NRF1: variants seen among roughly 807,000 people sequenced by gnomAD.
NRF1 encodes the protein alpha palindromic-binding protein.
In NRF1, 5 loss-of-function variants were observed where a neutral mutation model predicts 58.5. The observed-to-expected ratio is 0.09, with a 90% CI of 0.04 to 0.18. The LOEUF (loss-of-function observed/expected upper bound fraction) is 0.18, where lower values mean the gene tolerates loss of function less well. Ranked by LOEUF, NRF1 falls within the 10% of genes least tolerant of loss-of-function variation. NRF1 has a pLI of 1.00. For synonymous variants in NRF1, 224 were observed against 246.7 expected (o/e 0.91, Z 0.86); for missense variants, 288 against 657.7 (o/e 0.44, Z 6.15).
intron 5 of NRF1, among the ~76,000 whole-genome samples, chr7:129,699,983 A>AG (rs1183317853): frequency 2.0e-5 from 3 of 150,848 alleles, no homozygotes; most frequent in African/African-American, 7.3e-5. Context: ...ACTAAAAAAA[A>AG]AAAAAAATTT....
intron 1 of NRF1, among the ~76,000 whole-genome samples, chr7:129,651,439 TTAGAG>T (rs1801533510): frequency 7.7e-6 from 1 of 130,268 alleles, no homozygotes. Flanking sequence ...AAAAAAATGG[TTAGAG>T]AGGCCAAAGA....
chr7:129,744,615 T>A (rs1803928800), intron 10 of NRF1, among the ~76,000 whole-genome samples: 1 of 152,130 alleles, frequency 6.6e-6, no homozygotes, highest in South Asian at 2.1e-4. Context: ...ACAGTTCAGA[T>A]AGGAAAAGCA....
chr7:129,626,404 A>G (rs1485653950), intron 1 of NRF1, among the ~76,000 whole-genome samples: 2 of 152,186 alleles, frequency 1.3e-5, no homozygotes, highest in Non-Finnish European at 2.9e-5. Flanking sequence ...CTAAGTTTGA[A>G]TTAGGTTTAT....
At chr7:129,699,959 G>A (rs1168597245) in intron 5 of NRF1, among the ~76,000 whole-genome samples, 2 of 132,114 alleles carry the variant, frequency 1.5e-5, no homozygotes, top group Non-Finnish European at 3.2e-5. Context: ...CCAACATAGT[G>A]AAACCCCGTC....
At chr7:129,729,627 A>C (rs1434362546) in intron 10 of NRF1, among the ~76,000 whole-genome samples, 1 of 152,240 alleles carries the variant, frequency 6.6e-6, no homozygotes, top group Non-Finnish European at 1.5e-5. Context: ...CCAAAGAATG[A>C]ATCTCATATG....
chr7:129,649,510 A>T (rs1801486997), intron 1 of NRF1, among the ~76,000 whole-genome samples: 1 of 152,160 alleles, frequency 6.6e-6, no homozygotes, highest in Non-Finnish European at 1.5e-5. Context: ...ACTTAATCTC[A>T]TCCATTATGT....
chr7:129,645,086 T>A (rs1272841897), intron 1 of NRF1, among the ~76,000 whole-genome samples: 1 of 152,134 alleles, frequency 6.6e-6, no homozygotes, highest in Non-Finnish European at 1.5e-5. Context: ...CCCTTCAACA[T>A]TTCTTTGCTG....
intron 10 of NRF1, among the ~76,000 whole-genome samples, chr7:129,752,315 G>A (rs1015901018): frequency 1.3e-5 from 2 of 150,962 alleles, no homozygotes; most frequent in African/African-American, 2.4e-5. Flanking sequence ...AATAACCTGA[G>A]CAAAGGCCCA....
At chr7:129,668,454 A>G (rs13226276) in intron 2 of NRF1, among the ~76,000 whole-genome samples, 45,620 of 152,152 alleles carry the variant, frequency 0.3, 8,518 homozygotes, top group Non-Finnish European at 0.43. Flanking sequence ...TTGCACTTCT[A>G]TTTAAATACT....
At chr7:129,624,236 C>A (rs371336481) in intron 1 of NRF1, among the ~76,000 whole-genome samples, 3 of 152,012 alleles carry the variant, frequency 2.0e-5, no homozygotes, top group Middle Eastern at 3.4e-3. Context: ...CTCTTTTTTG[C>A]GTTTTTCCTT....
chr7:129,624,917 G>A (rs1800880371), intron 1 of NRF1, among the ~76,000 whole-genome samples: 1 of 152,168 alleles, frequency 6.6e-6, no homozygotes, highest in Non-Finnish European at 1.5e-5. Context: ...ACCTTGGGAA[G>A]GCAATAGGGA....
At chr7:129,747,363 T>G (rs901717186) in intron 10 of NRF1, among the ~76,000 whole-genome samples, 9 of 152,216 alleles carry the variant, frequency 5.9e-5, no homozygotes, top group African/African-American at 2.2e-4. Context: ...ATCTTTAATC[T>G]TTACATCTTT....
intron 1 of NRF1, among the ~76,000 whole-genome samples, chr7:129,652,434 G>A (rs1241678364): frequency 1.3e-5 from 2 of 152,156 alleles, no homozygotes; most frequent in East Asian, 3.9e-4. Context: ...AAATACATAT[G>A]CCTTTTGACC....
At chr7:129,744,092 A>G (rs910662774) in intron 10 of NRF1, 33 of 1,309,716 alleles carry the variant, frequency 2.5e-5, no homozygotes, top group African/African-American at 4.5e-5. Context: ...GGAGGCTGCA[A>G]GCGCCGCAGC....
intron 1 of NRF1, among the ~76,000 whole-genome samples, chr7:129,613,794 A>AGGGGCG (rs925113573): frequency 6.7e-3 from 16 of 2,394 alleles, no homozygotes; most frequent in Admixed American, 0.02. Flanking sequence ...AGCTGCTGGG[A>AGGGGCG]GGGGCGGGGG....
chr7:129,623,108 T>C (rs1800838624), intron 1 of NRF1, among the ~76,000 whole-genome samples: 1 of 152,252 alleles, frequency 6.6e-6, no homozygotes, highest in Admixed American at 6.5e-5. Flanking sequence ...GTGTAAGGGC[T>C]TGCCAATGAA....
intron 6 of NRF1, 23 bp from the exon 7 acceptor site, chr7:129,710,351 C>T: frequency 1.2e-6 from 2 of 1,612,398 alleles, no homozygotes; most frequent in Non-Finnish European, 1.7e-6. Flanking sequence ...GCTTAATGTG[C>T]TTTTCCGGTC....
At chr7:129,691,063 C>T (rs4731615) in intron 5 of NRF1, among the ~76,000 whole-genome samples, 63,846 of 151,312 alleles carry the variant, frequency 0.42, 13,747 homozygotes, top group Middle Eastern at 0.48. Context: ...TTAAATTTTA[C>T]GATTTCTAAA....
chr7:129,623,888 A>G (rs1040694435), intron 1 of NRF1, among the ~76,000 whole-genome samples: 6 of 152,224 alleles, frequency 3.9e-5, no homozygotes, highest in Non-Finnish European at 8.8e-5. Flanking sequence ...TTCTTAAATC[A>G]GTATCTTCCA....
Sources: gnomAD v4.1 joint callset for allele counts (sites outside exome capture counted in the v4.1 genomes callset) on GRCh38, gnomAD v4.1.1 for gene constraint, MANE v1.5 for transcripts, NCBI Gene and HGNC (gene_info 2026-07-23, HGNC 2026-07-21) for gene names.